The following CDH13 variants were observed in gnomAD, a reference collection of about 807,000 sequenced individuals.
CDH13 encodes cadherin 13, also known as cadherin-13.
In CDH13, 24 loss-of-function variants were observed where a neutral mutation model predicts 63.8. The observed-to-expected ratio is 0.38, with a 90% confidence interval of 0.27 to 0.53. The LOEUF is 0.53. Among genes scored for constraint, CDH13 ranks in the 20% least tolerant of loss-of-function variants. The pLI is 0.85. For synonymous variants in CDH13, 503 were observed against 355.3 expected, an observed-to-expected ratio of 1.42 and a Z score of -4.67; for missense variants, 1,049 against 903.1, an observed-to-expected ratio of 1.16 and a Z score of -2.07.
intron 4 of CDH13, among the ~76,000 whole-genome samples, chr16:83,204,860 A>G (rs1567504741): frequency 6.6e-6 from 1 of 152,226 alleles, no homozygotes; most frequent in Non-Finnish European, 1.5e-5. Flanking sequence ...GCTGGTCACC[A>G]TGAGGAAGGA....
At chr16:83,300,870 G>C (rs977496658) in intron 5 of CDH13, among the ~76,000 whole-genome samples, 1 of 152,064 alleles carries the variant, frequency 6.6e-6, no homozygotes, top group African/African-American at 2.4e-5. Context: ...AAGCTACATA[G>C]CGCTAAGGTA....
At chr16:83,511,092 A>ACG (rs2074547888) in intron 7 of CDH13, among the ~76,000 whole-genome samples, 1 of 49,246 alleles carries the variant, frequency 2.0e-5, no homozygotes, top group East Asian at 1.7e-3. Flanking sequence ...ATGCACACAC[A>ACG]CATGCACACA....
chr16:83,700,478 A>G (rs189853746), intron 10 of CDH13, among the ~76,000 whole-genome samples: 6 of 152,380 alleles, frequency 3.9e-5, no homozygotes, highest in Admixed American at 2.0e-4. Flanking sequence ...AGCACCTACT[A>G]TGTGCCAGGC....
chr16:82,835,171 C>T (rs376011026), intron 1 of CDH13, among the ~76,000 whole-genome samples: 3 of 152,268 alleles, frequency 2.0e-5, no homozygotes, highest in East Asian at 1.9e-4. Context: ...TTTCATACCA[C>T]GTCTTTAAAA....
At chr16:83,376,711 T>C (rs2091466135) in intron 6 of CDH13, among the ~76,000 whole-genome samples, 1 of 152,018 alleles carries the variant, frequency 6.6e-6, no homozygotes, top group Admixed American at 6.6e-5. Context: ...AAGATGGACT[T>C]GGGGGTTTCT....
chr16:83,066,831 C>G (rs1005394325), intron 3 of CDH13, among the ~76,000 whole-genome samples: 1 of 152,160 alleles, frequency 6.6e-6, no homozygotes, highest in Non-Finnish European at 1.5e-5. Flanking sequence ...TCATGGAAGA[C>G]CAATTCATAA....
chr16:83,701,278 G>A lies in CDH13; in HGVS notation c.1538+22817G>A, dbSNP rs565622857. 7.9e-5 allele frequency among the ~76,000 whole-genome samples: 12 copies of A among 152,318 alleles called. No homozygotes were observed. The East Asian group carries it at 2.3e-3, about 29-fold the overall frequency. On this transcript the variant is annotated intron_variant, in intron 10 of 13. Transcript: ENST00000567109. ...TGTTTAGGAACAGAAAAAGCAAGAGGGCAGCCGAATGGGGCCATCGGGTGG... is the reference window on the plus strand; with the variant it reads ...TGTTTAGGAACAGAAAAAGCAAGAGAGCAGCCGAATGGGGCCATCGGGTGG...
intron 1 of CDH13, chr16:82,825,984 G>T (rs1465126382): frequency 6.6e-6 from 1 of 151,946 alleles, no homozygotes; most frequent in Non-Finnish European, 1.5e-5. Flanking sequence ...CTCCCAAGTA[G>T]CTGGGACTAC....
intron 1 of CDH13, among the ~76,000 whole-genome samples, chr16:82,696,930 A>G (rs2030371036): frequency 6.6e-6 from 1 of 152,164 alleles, no homozygotes; most frequent in Non-Finnish European, 1.5e-5. Context: ...TGGTGGTAAT[A>G]GGCCTCAGTT....
At chr16:83,158,671 C>T in intron 4 of CDH13, among the ~76,000 whole-genome samples, 1 of 152,364 alleles carries the variant, frequency 6.6e-6, no homozygotes, top group East Asian at 1.9e-4. Context: ...TTAAACAGAT[C>T]CACGGTACAC....
At chr16:82,690,854 G>A (rs532114858) in intron 1 of CDH13, among the ~76,000 whole-genome samples, 23 of 152,216 alleles carry the variant, frequency 1.5e-4, no homozygotes, top group African/African-American at 3.1e-4. Flanking sequence ...TGTCAACCCC[G>A]CAACTGCCTG....
intron 6 of CDH13, among the ~76,000 whole-genome samples, chr16:83,436,188 A>G (rs1156862693): frequency 1.3e-5 from 2 of 152,210 alleles, no homozygotes; most frequent in African/African-American, 4.8e-5. Context: ...GCTGTTGCCA[A>G]ATAAAAACTA....
At chr16:83,515,022 A>T (rs1347379053) in intron 7 of CDH13, among the ~76,000 whole-genome samples, 2 of 152,142 alleles carry the variant, frequency 1.3e-5, no homozygotes, top group African/African-American at 4.8e-5. Flanking sequence ...GCACACAGCC[A>T]GCTTTTGGAG....
At chr16:83,564,883 C>T (rs1044259381) in intron 7 of CDH13, among the ~76,000 whole-genome samples, 6 of 152,210 alleles carry the variant, frequency 3.9e-5, no homozygotes, top group African/African-American at 7.2e-5. Flanking sequence ...TGTCTGAGTC[C>T]TGCAGTAAAT....
Position 83,736,973 on chromosome 16 carries a change from C to G in CDH13, c.1539-11135C>G, listed in dbSNP as rs545469859. Among the ~76,000 whole-genome samples, 3 of 152,274 alleles carry G rather than the reference C, an allele frequency of 2.0e-5. No individual in the cohort carries two copies. In the East Asian group the frequency reaches 5.8e-4, roughly 29 times the overall value. On this transcript the variant is annotated intron_variant, in intron 10 of 13. Transcript: ENST00000567109. ...CAAGTAGCTGGTGCCCAGGAAATGT[C>G]AGTTCCATTGTTTGCCAGGGAAGGC... is the stretch of plus-strand genomic sequence containing the variant.
intron 1 of CDH13, among the ~76,000 whole-genome samples, chr16:82,708,088 C>T (rs1359433765): frequency 6.6e-6 from 1 of 152,140 alleles, no homozygotes; most frequent in Admixed American, 6.5e-5. Flanking sequence ...TTGAAGGTGG[C>T]TCATGTGTAT....
chr16:82,656,524 A>G (rs1373862004), intron 1 of CDH13, among the ~76,000 whole-genome samples: 2 of 152,198 alleles, frequency 1.3e-5, no homozygotes, highest in African/African-American at 4.8e-5. Flanking sequence ...CACTATCAAC[A>G]TCCCACATCA....
chr16:83,528,408 C>T (rs1485746124), intron 7 of CDH13, among the ~76,000 whole-genome samples: 1 of 152,080 alleles, frequency 6.6e-6, no homozygotes, highest in Non-Finnish European at 1.5e-5. Context: ...TCCTCTGTTG[C>T]AGTTGGGCGG....
intron 6 of CDH13, among the ~76,000 whole-genome samples, chr16:83,371,359 A>G (rs1356955854): frequency 6.6e-6 from 1 of 150,762 alleles, no homozygotes; most frequent in Non-Finnish European, 1.5e-5. Flanking sequence ...CAGGTCTCCC[A>G]ATCCTAATAT....
Sources: gnomAD v4.1 joint callset for allele counts (sites outside exome capture counted in the v4.1 genomes callset) on GRCh38, gnomAD v4.1.1 for gene constraint, MANE v1.5 for transcripts, NCBI Gene and HGNC (gene_info 2026-07-23, HGNC 2026-07-21) for gene names.